The following SH2D1B variants were observed in gnomAD, a reference collection of about 807,000 sequenced individuals.
SH2D1B encodes the protein SH2 domain containing 1B.
SH2D1B carries 11 observed loss-of-function variants against 16.3 expected under a neutral mutation model. The observed-to-expected ratio is 0.67, with a 90% CI of 0.42 to 1.11. The LOEUF is 1.11. SH2D1B is among the 50% of genes most tolerant of loss of function. The probability of loss-of-function intolerance (pLI) is 0.00; values close to 1 mark genes in which losing one functional copy is unlikely to be tolerated. For synonymous variants in SH2D1B, 55 were observed against 56.1 expected (o/e 0.98, Z 0.09); for missense variants, 123 against 153.1 (o/e 0.80, Z 1.04).
intron 2 of SH2D1B, among the ~76,000 whole-genome samples, chr1:162,401,369 C>A (rs1648514809): frequency 6.6e-6 from 1 of 152,148 alleles, no homozygotes; most frequent in Non-Finnish European, 1.5e-5. Flanking sequence ...GACATTTTAT[C>A]TTGAAATTAT....
intron 1 of SH2D1B, among the ~76,000 whole-genome samples, chr1:162,409,721 C>A (rs1198784170): frequency 6.6e-6 from 1 of 152,000 alleles, no homozygotes; most frequent in Non-Finnish European, 1.5e-5. Flanking sequence ...TGGGATACAA[C>A]TGCACCCACC....
At chr1:162,398,030 G>T (rs182693148) in intron 3 of SH2D1B, among the ~76,000 whole-genome samples, 1 of 152,310 alleles carries the variant, frequency 6.6e-6, no homozygotes, top group East Asian at 1.9e-4. Flanking sequence ...GGACACAATG[G>T]TAGGGAAGGG....
chr1:162,403,511 AATATATAT>A (rs201259868), intron 1 of SH2D1B, among the ~76,000 whole-genome samples: 2,917 of 41,518 alleles, frequency 0.07, 140 homozygotes, highest in East Asian at 0.11. Flanking sequence ...AAAAAAAAAA[AATATATAT>A]ATATATATAT....
chr1:162,400,982 T>C (rs1648505270), intron 2 of SH2D1B, among the ~76,000 whole-genome samples: 1 of 152,008 alleles, frequency 6.6e-6, no homozygotes, highest in Non-Finnish European at 1.5e-5. Flanking sequence ...TTCCTCTACT[T>C]TTGTGTATTT....
At chr1:162,405,306 G>A (rs1644302453) in intron 1 of SH2D1B, among the ~76,000 whole-genome samples, 1 of 152,194 alleles carries the variant, frequency 6.6e-6, no homozygotes, top group Admixed American at 6.5e-5. Context: ...ACAAAGGGGT[G>A]CAAGTGAAGT....
At chr1:162,409,781 G>A (rs537732278) in intron 1 of SH2D1B, among the ~76,000 whole-genome samples, 2 of 152,124 alleles carry the variant, frequency 1.3e-5, no homozygotes, top group East Asian at 3.9e-4. Flanking sequence ...TCATTATGTT[G>A]GCCAGGCTGG....
At chr1:162,406,284 G>A (rs2101862706) in intron 1 of SH2D1B, among the ~76,000 whole-genome samples, 1 of 152,248 alleles carries the variant, frequency 6.6e-6, no homozygotes, top group East Asian at 1.9e-4. Flanking sequence ...AAATTACACT[G>A]AGTCCACTGG....
chr1:162,405,768 G>A (rs1363134211), intron 1 of SH2D1B, among the ~76,000 whole-genome samples: 1 of 152,168 alleles, frequency 6.6e-6, no homozygotes, highest in Non-Finnish European at 1.5e-5. Flanking sequence ...GTTCAAAAAG[G>A]CTGGAATACA....
At chr1:162,407,594 G>GAT (rs998553964) in intron 1 of SH2D1B, among the ~76,000 whole-genome samples, 16 of 152,206 alleles carry the variant, frequency 1.1e-4, no homozygotes, top group Admixed American at 2.0e-4. Flanking sequence ...TTGGCTCATA[G>GAT]ATAATACCTA....
chr1:162,395,709 T>C lies in SH2D1B; in HGVS notation c.*1571A>G, dbSNP rs1410363978. 1 of 152,124 alleles carries C rather than the reference T, an allele frequency of 6.6e-6. No individual in the cohort carries two copies. Among genetic ancestry groups the C allele is most frequent in the Non-Finnish European group, 1.5e-5 (1 of 68,024 alleles). The allele number at this position is 152,124 out of a possible 1,614,324, so 9.4% of individuals were successfully genotyped here. A position where few individuals can be genotyped will look rare whatever the true frequency, so the allele number is the denominator to read the frequency against. On this transcript the variant is annotated 3_prime_UTR_variant, in exon 4 of 4. Transcript: ENST00000367929. Reference sequence around the variant, plus strand: ...GGGTTAACATTTCACCAACACCATATCCTATTAGAAATGTAATAAAACATA... The same window carrying C: ...GGGTTAACATTTCACCAACACCATACCCTATTAGAAATGTAATAAAACATA...
chr1:162,404,037 C>T (rs1288180560), intron 1 of SH2D1B, among the ~76,000 whole-genome samples: 1 of 151,996 alleles, frequency 6.6e-6, no homozygotes, highest in Admixed American at 6.6e-5. Context: ...AGTTAATAAC[C>T]ATATATTACG....
In SH2D1B at chr1:162,402,757, G is replaced by A. The variant is rs906150585; in HGVS notation, c.180C>T (p.His60=). Residue 60 remains histidine, a synonymous_variant, in exon 2 of 4, where the codon CAC becomes CAT. Transcript: ENST00000367929. ...TTCTTACCTGTATCCTGTAATACCC[G>A]TGTTTCTCTCTGAAGATTCGGTATG... The part of the protein sequence containing the change: ...VYTYRIFREK[H]GYYRIQTAEG... 4 of 1,613,636 alleles carry A rather than the reference G, an allele frequency of 2.5e-6. No homozygotes were observed. The highest frequency in any genetic ancestry group is 3.4e-6 in the Non-Finnish European group (4 of 1,179,666).
intron 3 of SH2D1B, among the ~76,000 whole-genome samples, chr1:162,397,932 G>A (rs1211675378): frequency 3.3e-5 from 5 of 152,222 alleles, no homozygotes; most frequent in Non-Finnish European, 7.3e-5. Flanking sequence ...GAAAGTAGCT[G>A]TGGGACTACA....
Position 162,397,098 on chromosome 1 carries a change from G to A in SH2D1B, c.*182C>T. ...TTGAAATTGCTCCTGGTATATGTCT[G>A]GGAGGCGGGGATGTGGAGAGTGACC... On this transcript the variant is annotated 3_prime_UTR_variant, in exon 4 of 4. Coordinates refer to ENST00000367929, the MANE Select transcript of SH2D1B (RefSeq NM_053282.5). 1.6e-6 allele frequency: 1 copy of A among 606,944 alleles called. No homozygotes were observed. The highest frequency in any genetic ancestry group is 2.0e-5 in the South Asian group (1 of 50,770). The allele number at this position is 606,944 out of a possible 1,614,324, so 37.6% of individuals were successfully genotyped here. A position where few individuals can be genotyped will look rare whatever the true frequency, so the allele number is the denominator to read the frequency against.
chr1:162,399,079 T>A lies in SH2D1B; in HGVS notation c.207A>T (p.Glu69Asp), dbSNP rs1648447767. The A allele has an allele frequency of 1.9e-6, 3 of 1,602,152 alleles. No individual in the cohort carries two copies. Among genetic ancestry groups the A allele is most frequent in the Non-Finnish European group, 2.6e-6 (3 of 1,174,446 alleles). Residue 69 changes from glutamate to aspartate, a missense_variant, in exon 3 of 4, where the codon GAA (glutamate) becomes GAT (aspartate). Transcript: ENST00000367929. ...TTGGAAAGACCTGTTTTGGAGAACC[T>A]TCTGCAGTCTGCAAAAATACAAGAA... is the stretch of plus-strand genomic sequence containing the variant. ...KHGYYRIQTA[E>D]GSPKQVFPSL... is the part of the protein sequence containing the mutation.
chr1:162,398,628 A>G (rs1240612662), intron 3 of SH2D1B, among the ~76,000 whole-genome samples: 1 of 152,206 alleles, frequency 6.6e-6, no homozygotes, highest in African/African-American at 2.4e-5. Context: ...CCATTTGCCC[A>G]TTTATTCTCA....
chr1:162,401,213 G>T (rs749838015), intron 2 of SH2D1B, among the ~76,000 whole-genome samples: 1 of 152,110 alleles, frequency 6.6e-6, no homozygotes, highest in Admixed American at 6.5e-5. Context: ...CCAGTGAAAC[G>T]CCTCTTTGTG....
chr1:162,410,656 CTTTT>C (rs66614229), intron 1 of SH2D1B, among the ~76,000 whole-genome samples: 1 of 129,960 alleles, frequency 7.7e-6, no homozygotes, highest in Admixed American at 7.9e-5. Flanking sequence ...TTTTCTTTTT[CTTTT>C]TTTTTTTTTT....
At chr1:162,400,173 T>C (rs527789439) in intron 2 of SH2D1B, among the ~76,000 whole-genome samples, 1 of 152,050 alleles carries the variant, frequency 6.6e-6, no homozygotes, top group Non-Finnish European at 1.5e-5. Flanking sequence ...ACAATCTCCA[T>C]GTGGGCAAAA....
Sources: allele counts gnomAD v4.1 joint callset (sites outside exome capture counted in the v4.1 genomes callset), GRCh38; gene constraint gnomAD v4.1.1; transcripts MANE v1.5; gene names NCBI Gene and HGNC (gene_info 2026-07-23, HGNC 2026-07-21).